RRM1: variants seen among roughly 807,000 people sequenced by gnomAD.
The protein encoded by RRM1 is ribonucleotide reductase catalytic subunit M1.
In RRM1, 19 loss-of-function variants were observed where a neutral mutation model predicts 101.5. That is an observed-to-expected ratio of 0.19 (90% CI 0.13 to 0.27). RRM1 has a LOEUF of 0.27. Ranked by LOEUF, RRM1 falls within the 10% of genes least tolerant of loss-of-function variation. The pLI is 1.00. For missense variants in RRM1, 500 were observed against 962.9 expected, an observed-to-expected ratio of 0.52 and a Z score of 6.36; for synonymous variants, 298 against 323.4, an observed-to-expected ratio of 0.92 and a Z score of 0.84.
Position 4,138,625 on chromosome 11 carries a change from C to T in RRM1, c.*242C>T. On this transcript the variant is annotated 3_prime_UTR_variant, in exon 19 of 19. Transcript: ENST00000300738. Reference sequence around the variant, plus strand: ...AAAAAAAAACGGATATATTGAGAATCAAAGTAGAAGTTTTAGGAATGCAAA... The same window carrying T: ...AAAAAAAAACGGATATATTGAGAATTAAAGTAGAAGTTTTAGGAATGCAAA... 3.2e-6 allele frequency: 1 copy of T among 314,680 alleles called. No homozygotes were observed. Among genetic ancestry groups the T allele is most frequent in the Admixed American group, 5.0e-5 (1 of 20,162 alleles). 19.5% of individuals were successfully genotyped at this position (314,680 alleles called of 1,614,324 possible).
intron 14 of RRM1, 67 bp downstream of exon 14, chr11:4,127,323 A>G (rs2094591476): frequency 1.0e-6 from 1 of 966,360 alleles, no homozygotes; most frequent in Non-Finnish European, 1.5e-6. Context: ...TGACCCCACA[A>G]AAGGATATGT....
chr11:4,106,369 C>G (rs1291122135), intron 3 of RRM1, 146 bp downstream of exon 3: 2 of 677,954 alleles, frequency 3.0e-6, no homozygotes, highest in African/African-American at 1.8e-5. Context: ...GAGGCCAAGG[C>G]AGGCAAATCG....
chr11:4,094,747 A>C (rs2094540385), upstream of RRM1: 2 of 570,392 alleles, frequency 3.5e-6, no homozygotes, highest in African/African-American at 1.9e-5. Context: ...TGTGAAGCCT[A>C]CCCCGGGCGT....
At chr11:4,104,350 G>A (rs935601660) in intron 2 of RRM1, among the ~76,000 whole-genome samples, 12 of 152,152 alleles carry the variant, frequency 7.9e-5, no homozygotes, top group African/African-American at 1.4e-4. Flanking sequence ...AGTTACACAC[G>A]TATGTGTCTT....
chr11:4,136,613 A>C (rs182769528), intron 18 of RRM1, among the ~76,000 whole-genome samples: 90 of 152,022 alleles, frequency 5.9e-4, no homozygotes, highest in African/African-American at 2.1e-3. Flanking sequence ...GCTGGAGTGC[A>C]ATGATACAGT....
At chr11:4,115,407 G>T (rs1349503028) in intron 7 of RRM1, among the ~76,000 whole-genome samples, 2 of 151,224 alleles carry the variant, frequency 1.3e-5, no homozygotes, top group Admixed American at 1.3e-4. Context: ...GATGGAGGGA[G>T]AAATTGGAGT....
At chr11:4,116,881 C>T (rs555496275) in intron 7 of RRM1, among the ~76,000 whole-genome samples, 4 of 151,632 alleles carry the variant, frequency 2.6e-5, no homozygotes, top group African/African-American at 9.7e-5. Flanking sequence ...GTGGGAGGAT[C>T]GCTCGAGCCC....
At chr11:4,136,244 CAG>C (rs1425839402) in intron 18 of RRM1, among the ~76,000 whole-genome samples, 1 of 151,734 alleles carries the variant, frequency 6.6e-6, no homozygotes, top group Non-Finnish European at 1.5e-5. Flanking sequence ...TATTTTGAGA[CAG>C]AGACTCACTC....
rs1255059428 is a variant in RRM1, at chr11:4,101,887, T to C, written c.20-106T>C. Reference sequence around the variant, plus strand: ...TCAATCTTTTCTGTGAAATAGCACTTCATGTTGGTCAATTTACATGTTAAT... The same window carrying C: ...TCAATCTTTTCTGTGAAATAGCACTCCATGTTGGTCAATTTACATGTTAAT... On this transcript the variant is annotated intron_variant, in intron 1 of 18. Coordinates refer to ENST00000300738, the MANE Select transcript of RRM1 (RefSeq NM_001033.5). 5 of 663,922 alleles carry C rather than the reference T, an allele frequency of 7.5e-6. No individual in the cohort carries two copies. The Admixed American group carries it at 1.4e-4, about 18-fold the overall frequency. 41.1% of individuals were successfully genotyped at this position (663,922 alleles called of 1,614,324 possible). A position where few individuals can be genotyped will look rare whatever the true frequency, so the allele number is the denominator to read the frequency against.
At chr11:4,124,410 A>G (rs2094586391) in intron 12 of RRM1, among the ~76,000 whole-genome samples, 1 of 152,212 alleles carries the variant, frequency 6.6e-6, no homozygotes, top group Non-Finnish European at 1.5e-5. Context: ...CAGGAAGTAA[A>G]TGGAAAGTGA....
intron 2 of RRM1, chr11:4,105,609 C>G (rs2094557253): frequency 6.5e-6 from 2 of 307,824 alleles, no homozygotes; most frequent in Non-Finnish European, 1.2e-5. Context: ...GAGACAGGGT[C>G]TCACTCTGCC....
At chr11:4,129,611 GAA>G (rs5789323) in intron 15 of RRM1, among the ~76,000 whole-genome samples, 19 of 151,880 alleles carry the variant, frequency 1.3e-4, no homozygotes, top group Admixed American at 3.3e-4. Flanking sequence ...TAGACTATAT[GAA>G]AAAAAAATTT....
intron 12 of RRM1, among the ~76,000 whole-genome samples, chr11:4,125,844 A>T (rs919849556): frequency 7.2e-5 from 11 of 152,182 alleles, no homozygotes; most frequent in East Asian, 3.8e-4. Context: ...AGCTATATTT[A>T]AAAAAATGGG....
intron 7 of RRM1, among the ~76,000 whole-genome samples, chr11:4,114,595 C>T (rs2094570174): frequency 6.6e-6 from 1 of 151,318 alleles, no homozygotes; most frequent in Non-Finnish European, 1.5e-5. Flanking sequence ...ACATTACTGA[C>T]GACTGTAGAC....
intron 1 of RRM1, 51 bp from the exon 2 acceptor site, chr11:4,101,942 A>C: frequency 1.1e-6 from 1 of 940,702 alleles, no homozygotes; most frequent in Non-Finnish European, 1.7e-6. Flanking sequence ...TTGTAGTCTT[A>C]ATAATTGCTA....
At chr11:4,131,346 A>G (rs2094599899) in intron 15 of RRM1, among the ~76,000 whole-genome samples, 1 of 152,218 alleles carries the variant, frequency 6.6e-6, no homozygotes, top group South Asian at 2.1e-4. Flanking sequence ...ACTACAGTTC[A>G]AGATGAGATT....
At chr11:4,110,551 C>G (rs982731491) in intron 5 of RRM1, among the ~76,000 whole-genome samples, 1 of 151,848 alleles carries the variant, frequency 6.6e-6, no homozygotes, top group African/African-American at 2.4e-5. Flanking sequence ...GCTGATCACT[C>G]GAGGTCAGGA....
rs114372858 is a variant in RRM1, at chr11:4,099,951, C to T, written c.20-2042C>T. ...TTTTTGCTAAGTTGCTTTCCCCCCCCACTGCATGTATAATTGCAGAACGCT... is the reference window on the plus strand; with the variant it reads ...TTTTTGCTAAGTTGCTTTCCCCCCCTACTGCATGTATAATTGCAGAACGCT... On this transcript the variant is annotated intron_variant, in intron 1 of 18. Coordinates refer to ENST00000300738, the MANE Select transcript of RRM1 (RefSeq NM_001033.5). Among the ~76,000 whole-genome samples, 1,084 of 152,166 alleles carry T rather than the reference C, an allele frequency of 7.1e-3. 14 individuals carry two copies. The highest frequency in any genetic ancestry group is 0.024 in the African/African-American group (1,007 of 41,520).
In RRM1 at chr11:4,125,855, T is replaced by C. The variant is rs573768162; in HGVS notation, c.1321-829T>C. ...TTCAAGCTATATTTAAAAAAATGGG[T>C]ATTTGGCAACATGTGTAGAATGGAG... is the stretch of plus-strand genomic sequence containing the variant. On this transcript the variant is annotated intron_variant, in intron 12 of 18. Transcript: ENST00000300738. Among the ~76,000 whole-genome samples, 42 of 152,338 alleles carry C rather than the reference T, an allele frequency of 2.8e-4. 1 individual carries two copies. Among genetic ancestry groups the C allele is most frequent in the Non-Finnish European group, 4.3e-4 (29 of 68,032 alleles).
Sources: gnomAD v4.1 joint callset for allele counts (sites outside exome capture counted in the v4.1 genomes callset) on GRCh38, gnomAD v4.1.1 for gene constraint, MANE v1.5 for transcripts, NCBI Gene and HGNC (gene_info 2026-07-23, HGNC 2026-07-21) for gene names.